KHDRBS2: variants seen among roughly 807,000 people sequenced by gnomAD.
KHDRBS2 encodes KH domain-containing, RNA-binding, signal transduction-associated protein 2.
A neutral mutation model predicts 44.3 loss-of-function variants in KHDRBS2; 26 were observed. The observed-to-expected ratio is 0.59, with a 90% CI of 0.43 to 0.81. The LOEUF is 0.81. Ranked by LOEUF, KHDRBS2 falls within the 40% of genes least tolerant of loss-of-function variation. KHDRBS2 has a pLI of 0.00. For missense variants in KHDRBS2, 476 were observed against 433.1 expected (o/e 1.10, Z -0.88); for synonymous variants, 194 against 151.1 (o/e 1.28, Z -2.08).
chr6:61,574,432 T>A, the KHDRBS2 span: 8 of 1,483,476 alleles, frequency 5.4e-6, no homozygotes, highest in Non-Finnish European at 7.2e-6. Context: ...CATATGGAGC[T>A]TCAATTTACC....
chr6:62,234,791 T>C (rs1018912576), intron 1 of KHDRBS2, among the ~76,000 whole-genome samples: 2 of 152,026 alleles, frequency 1.3e-5, no homozygotes, highest in African/African-American at 4.8e-5. Flanking sequence ...ACACAATCTT[T>C]ATCTATAACA....
Position 61,680,018 on chromosome 6 carries a change from T to C in KHDRBS2, c.*945A>G, listed in dbSNP as rs1306055038. The C allele has an allele frequency of 6.6e-6, 1 of 152,042 alleles. No homozygotes were observed. Among genetic ancestry groups the C allele is most frequent in the African/African-American group, 2.4e-5 (1 of 41,432 alleles). 9.4% of individuals were successfully genotyped at this position (152,042 alleles called of 1,614,324 possible). ...TTTTTTTCCATTAACATGTTATACA[T>C]TAGTGTTTACTAACCATGATTCATG... is the stretch of plus-strand genomic sequence containing the variant. On this transcript the variant is annotated 3_prime_UTR_variant, in exon 9 of 9. Transcript: ENST00000281156.
intron 2 of KHDRBS2, among the ~76,000 whole-genome samples, chr6:62,122,098 A>G (rs1363552962): frequency 6.6e-6 from 1 of 152,126 alleles, no homozygotes; most frequent in South Asian, 2.1e-4. Flanking sequence ...AGAACAGAAG[A>G]AGGCTCTGCA....
chr6:62,188,137 G>A (rs1823826950), intron 1 of KHDRBS2, among the ~76,000 whole-genome samples: 2 of 151,940 alleles, frequency 1.3e-5, no homozygotes, highest in African/African-American at 4.8e-5. Flanking sequence ...CATTCATGAG[G>A]GATCTGCCCT....
chr6:61,844,011 G>T (rs1461170582), intron 6 of KHDRBS2, among the ~76,000 whole-genome samples: 2 of 152,012 alleles, frequency 1.3e-5, no homozygotes, highest in Non-Finnish European at 2.9e-5. Flanking sequence ...ATTCACATAG[G>T]TTTAAAATCT....
intron 6 of KHDRBS2, among the ~76,000 whole-genome samples, chr6:61,828,211 C>A (rs1275338993): frequency 6.6e-6 from 1 of 152,182 alleles, no homozygotes; most frequent in Admixed American, 6.6e-5. Flanking sequence ...TCAATGGATT[C>A]AATGTGACAG....
chr6:62,029,586 A>G (rs901462406), intron 3 of KHDRBS2, among the ~76,000 whole-genome samples: 1 of 151,992 alleles, frequency 6.6e-6, no homozygotes, highest in African/African-American at 2.4e-5. Flanking sequence ...CTCCAGATTA[A>G]TAATCCAAGC....
At chr6:61,606,916 T>A in the KHDRBS2 span, among the ~76,000 whole-genome samples, 1 of 152,228 alleles carries the variant, frequency 6.6e-6, no homozygotes. Context: ...ATTTTTGGTT[T>A]CCTTTAGTGG....
At chr6:61,553,989 G>A in the KHDRBS2 span, among the ~76,000 whole-genome samples, 1 of 152,084 alleles carries the variant, frequency 6.6e-6, no homozygotes, top group African/African-American at 2.4e-5. Context: ...GTCTGTGGGT[G>A]GAATGTTTTG....
At position 62,277,748 on chromosome 6, in the gene KHDRBS2, TATAAG is replaced by T. The variant is rs201896834; in HGVS notation, c.91+8105_91+8109del. Among the ~76,000 whole-genome samples the T allele has an allele frequency of 8.1e-3, 1,237 of 152,318 alleles. 8 individuals are homozygous for T. The highest frequency in any genetic ancestry group is 0.015 in the Non-Finnish European group (988 of 68,018). On this transcript the variant is annotated intron_variant, in intron 1 of 8. Transcript: ENST00000281156. ...TTAATCCTCCAAACTATAACTAAAA[TATAAG>T]GTAAATAGCCTAATGCTTTTATGAT...
intron 6 of KHDRBS2, among the ~76,000 whole-genome samples, chr6:61,743,719 G>T (rs1347284458): frequency 6.6e-6 from 1 of 151,666 alleles, no homozygotes; most frequent in African/African-American, 2.4e-5. Flanking sequence ...CCATGTTGGT[G>T]TGCTGCACCC....
chr6:62,246,713 T>G (rs1040518622), intron 1 of KHDRBS2, among the ~76,000 whole-genome samples: 2 of 152,044 alleles, frequency 1.3e-5, no homozygotes, highest in Admixed American at 1.3e-4. Context: ...CTATACATAT[T>G]TTAGTGATTT....
At chr6:62,200,445 C>G (rs1826705170) in intron 1 of KHDRBS2, among the ~76,000 whole-genome samples, 2 of 152,288 alleles carry the variant, frequency 1.3e-5, no homozygotes, top group Admixed American at 6.5e-5. Context: ...AGACACTTCT[C>G]AAAGGAAGAC....
At chr6:61,577,073 T>C in the KHDRBS2 span, among the ~76,000 whole-genome samples, 5 of 152,116 alleles carry the variant, frequency 3.3e-5, no homozygotes, top group Non-Finnish European at 7.4e-5. Context: ...TAACAGTCTT[T>C]CCTCTTATGA....
intron 7 of KHDRBS2, among the ~76,000 whole-genome samples, chr6:61,721,098 G>A (rs961331464): frequency 1.3e-5 from 2 of 151,872 alleles, no homozygotes; most frequent in African/African-American, 4.8e-5. Context: ...TGGATATGCG[G>A]CATTATTTCT....
At chr6:62,270,500 C>T (rs1462758984) in intron 1 of KHDRBS2, among the ~76,000 whole-genome samples, 1 of 151,744 alleles carries the variant, frequency 6.6e-6, no homozygotes, top group Non-Finnish European at 1.5e-5. Flanking sequence ...TATAAATTAC[C>T]CAGCCTTGAG....
At chr6:61,723,388 G>A (rs756960832) in intron 7 of KHDRBS2, among the ~76,000 whole-genome samples, 1 of 152,108 alleles carries the variant, frequency 6.6e-6, no homozygotes, top group Non-Finnish European at 1.5e-5. Context: ...GGCTGAAATG[G>A]CTGAATTGAC....
intron 1 of KHDRBS2, among the ~76,000 whole-genome samples, chr6:62,203,803 T>C (rs1174413407): frequency 6.6e-6 from 1 of 152,172 alleles, no homozygotes; most frequent in Admixed American, 6.6e-5. Flanking sequence ...TACCAAGTGC[T>C]ATACTTTTGA....
At chr6:61,737,132 G>C (rs1415702292) in intron 6 of KHDRBS2, among the ~76,000 whole-genome samples, 1 of 151,942 alleles carries the variant, frequency 6.6e-6, no homozygotes, top group African/African-American at 2.4e-5. Flanking sequence ...TAAATATATA[G>C]AGCTATTATC....
Sources: gnomAD v4.1 joint callset for allele counts (sites outside exome capture counted in the v4.1 genomes callset) on GRCh38, gnomAD v4.1.1 for gene constraint, MANE v1.5 for transcripts, NCBI Gene and HGNC (gene_info 2026-07-23, HGNC 2026-07-21) for gene names.